LSAMP: variants seen among roughly 807,000 people sequenced by gnomAD.
The protein encoded by LSAMP is limbic system-associated membrane protein.
A neutral mutation model predicts 38.6 loss-of-function variants in LSAMP; 7 were observed. That is an observed-to-expected ratio of 0.18 (90% CI 0.10 to 0.34). The LOEUF (loss-of-function observed/expected upper bound fraction) is 0.34. Ranked by LOEUF, LSAMP falls within the 10% of genes least tolerant of loss-of-function variation. The pLI is 1.00. For missense variants in LSAMP, 313 were observed against 420.0 expected (o/e 0.75, Z 2.23); for synonymous variants, 154 against 166.8 (o/e 0.92, Z 0.59).
rs376521231 is a variant in LSAMP at position 116,147,649 on chromosome 3, A to T, written c.156-61093T>A. On this transcript the variant is annotated intron_variant, in intron 1 of 6. Transcript: ENST00000490035. ...ACATCCAACTCCTTACTCTTTTTAC[A>T]AAACTAGGGCTGAATTTTCCCATAT... Among the ~76,000 whole-genome samples the T allele has an allele frequency of 1.9e-4, 29 of 152,026 alleles. No individual in the cohort carries two copies. The East Asian group carries it at 5.1e-3, about 27-fold the overall frequency.
intron 3 of LSAMP, among the ~76,000 whole-genome samples, chr3:115,866,199 C>T (rs1022060815): frequency 7.2e-5 from 11 of 152,086 alleles, no homozygotes; most frequent in Non-Finnish European, 1.3e-4. Flanking sequence ...TTTGTAAAGT[C>T]TCAGCTCTGT....
chr3:116,358,986 C>T (rs1316336073), intron 1 of LSAMP, among the ~76,000 whole-genome samples: 1 of 152,148 alleles, frequency 6.6e-6, no homozygotes, highest in Non-Finnish European at 1.5e-5. Context: ...GACATCTTCA[C>T]CACGTATAAA....
At chr3:115,847,479 T>G (rs1217309255) in intron 4 of LSAMP, among the ~76,000 whole-genome samples, 1 of 152,190 alleles carries the variant, frequency 6.6e-6, no homozygotes, top group East Asian at 1.9e-4. Flanking sequence ...CAATACACCT[T>G]CCAATTTGGT....
At chr3:116,164,969 C>T (rs1710013892) in intron 1 of LSAMP, among the ~76,000 whole-genome samples, 1 of 151,608 alleles carries the variant, frequency 6.6e-6, no homozygotes, top group Non-Finnish European at 1.5e-5. Context: ...CCTCTCTGAG[C>T]CTGACTCCTC....
Position 115,829,211 on chromosome 3 carries a change from T to C in LSAMP, c.919+12634A>G, listed in dbSNP as rs554746857. ...AGGAAGAGTAAAGAGGTGGGGGAGA[T>C]AAGACACAGAAATGGGGAGAAAACC... On this transcript the variant is annotated intron_variant, in intron 6 of 6. Transcript: ENST00000490035. 1.4e-4 allele frequency among the ~76,000 whole-genome samples: 21 copies of C among 152,184 alleles called. No individual in the cohort carries two copies. The South Asian group carries it at 2.5e-3, about 18-fold the overall frequency.
intron 1 of LSAMP, among the ~76,000 whole-genome samples, chr3:116,219,967 G>T (rs1200693671): frequency 6.6e-6 from 1 of 152,170 alleles, no homozygotes; most frequent in African/African-American, 2.4e-5. Flanking sequence ...CTGAGGTCAG[G>T]AGTTTGAGAC....
At chr3:116,336,948 AC>A in intron 1 of LSAMP, among the ~76,000 whole-genome samples, 1 of 151,840 alleles carries the variant, frequency 6.6e-6, no homozygotes, top group African/African-American at 2.4e-5. Context: ...TTTGGCACAC[AC>A]ACACACATAT....
chr3:116,235,610 TGAC>T (rs2046456922), intron 1 of LSAMP, among the ~76,000 whole-genome samples: 1 of 152,182 alleles, frequency 6.6e-6, no homozygotes, highest in African/African-American at 2.4e-5. Flanking sequence ...GAAAAGGAAA[TGAC>T]ATTCCAATAA....
chr3:116,013,072 T>C (rs779583540), intron 3 of LSAMP, among the ~76,000 whole-genome samples: 19 of 152,178 alleles, frequency 1.2e-4, no homozygotes, highest in Non-Finnish European at 1.8e-4. Flanking sequence ...TCTTGGAGCA[T>C]TGATGTCCAA....
chr3:115,891,767 G>A (rs2107459682), intron 3 of LSAMP, among the ~76,000 whole-genome samples: 1 of 152,088 alleles, frequency 6.6e-6, no homozygotes, highest in African/African-American at 2.4e-5. Context: ...CAGGATTAGA[G>A]TTGTTGCCTC....
intron 1 of LSAMP, among the ~76,000 whole-genome samples, chr3:116,386,102 A>C (rs2048622956): frequency 6.6e-6 from 1 of 152,112 alleles, no homozygotes; most frequent in South Asian, 2.1e-4. Context: ...GATCACATGA[A>C]TAGTAAAGCA....
At chr3:116,190,733 C>T (rs953390312) in intron 1 of LSAMP, among the ~76,000 whole-genome samples, 1 of 152,142 alleles carries the variant, frequency 6.6e-6, no homozygotes, top group African/African-American at 2.4e-5. Context: ...ACCTAGAATC[C>T]TCTTTCAGTT....
At chr3:116,142,941 C>G (rs1218862550) in intron 1 of LSAMP, among the ~76,000 whole-genome samples, 2 of 151,344 alleles carry the variant, frequency 1.3e-5, no homozygotes, top group Non-Finnish European at 2.9e-5. Flanking sequence ...ATAGGGTTCA[C>G]CTGAGGAACT....
intron 3 of LSAMP, among the ~76,000 whole-genome samples, chr3:115,947,069 T>A (rs757981255): frequency 6.6e-6 from 1 of 152,080 alleles, no homozygotes; most frequent in Non-Finnish European, 1.5e-5. Flanking sequence ...TCTCTACAGA[T>A]GCAAAATAAG....
At chr3:116,166,997 T>C (rs560527835) in intron 1 of LSAMP, among the ~76,000 whole-genome samples, 2 of 152,186 alleles carry the variant, frequency 1.3e-5, no homozygotes, top group Admixed American at 1.3e-4. Context: ...TTCACCGTGT[T>C]AGCCAGGATG....
chr3:115,821,046 T>A (rs1934212202), intron 6 of LSAMP, among the ~76,000 whole-genome samples: 1 of 152,220 alleles, frequency 6.6e-6, no homozygotes, highest in Admixed American at 6.5e-5. Flanking sequence ...TTTTGAAGAT[T>A]TATTCTTCTT....
chr3:115,852,202 C>T (rs143665560), intron 4 of LSAMP, among the ~76,000 whole-genome samples: 14 of 152,238 alleles, frequency 9.2e-5, no homozygotes, highest in South Asian at 8.3e-4. Context: ...GCATAGTGAC[C>T]GCCAGCAATG....
At chr3:115,826,470 T>C (rs757971695) in intron 6 of LSAMP, among the ~76,000 whole-genome samples, 1 of 152,168 alleles carries the variant, frequency 6.6e-6, no homozygotes, top group African/African-American at 2.4e-5. Context: ...GACTAGCTAA[T>C]GTGCCCTGGT....
At chr3:115,965,134 A>G (rs1043239275) in intron 3 of LSAMP, among the ~76,000 whole-genome samples, 3 of 152,102 alleles carry the variant, frequency 2.0e-5, no homozygotes, top group African/African-American at 7.2e-5. Flanking sequence ...ATACCTACTT[A>G]TAAATATTAG....
Sources: allele counts gnomAD v4.1 joint callset (sites outside exome capture counted in the v4.1 genomes callset), GRCh38; gene constraint gnomAD v4.1.1; transcripts MANE v1.5; gene names NCBI Gene and HGNC (gene_info 2026-07-23, HGNC 2026-07-21).